The following ACAP3 variants were observed in gnomAD, a reference collection of about 807,000 sequenced individuals.
The protein encoded by ACAP3 is ArfGAP with coiled-coil, ankyrin repeat and PH domains 3.
ACAP3 carries 56 observed loss-of-function variants against 104.1 expected under a neutral mutation model. The ratio of observed to expected loss-of-function variants is 0.54; its 90% CI spans 0.43 to 0.67. ACAP3 has a LOEUF of 0.67. Among genes scored for constraint, ACAP3 ranks in the 30% least tolerant of loss-of-function variants. The probability of loss-of-function intolerance (pLI) is 0.00; values close to 1 mark genes in which losing one functional copy is unlikely to be tolerated. For synonymous variants in ACAP3, 628 were observed against 496.2 expected (o/e 1.27, Z -3.53); for missense variants, 1,208 against 1,174.9 (o/e 1.03, Z -0.41).
At chr1:1,295,598 T>G in intron 18 of ACAP3, 44 bp from the exon 19 acceptor site, 1 of 1,595,902 alleles carries the variant, frequency 6.3e-7, no homozygotes, top group Non-Finnish European at 8.5e-7. Context: ...AGGCCCGGGG[T>G]GGGGCAGGGA....
rs141328101 is a variant in ACAP3, at chr1:1,298,110, C to T, written c.919G>A (p.Ala307Thr). 1.5e-4 allele frequency: 245 copies of T among 1,605,920 alleles called. No homozygotes were observed. The highest frequency in any genetic ancestry group is 2.4e-4 in the Admixed American group (14 of 59,318). Residue 307 changes from alanine (A) to threonine (T), a missense_variant, in exon 13 of 24, where the codon GCC (alanine) becomes ACC (threonine). Physicochemically the swap from Ala to Thr is moderately conservative, Grantham distance 58 (BLOSUM62 0). Transcript: ENST00000354700. ...AGGTCATCCACCACCACGGTGAGGGCATCCTGTGGGCGGCACCGCTGTGGC... is the reference window on the plus strand; with the variant it reads ...AGGTCATCCACCACCACGGTGAGGGTATCCTGTGGGCGGCACCGCTGTGGC... ...QLVYQKKLKD[A>T]LTVVVDDLRL... is the part of the protein sequence containing the mutation.
intron 1 of ACAP3, chr1:1,304,542 A>C: frequency 1.1e-5 from 3 of 276,584 alleles, no homozygotes; most frequent in Non-Finnish European, 2.1e-5. Flanking sequence ...CCCTCACCCC[A>C]CTGCACTACT....
At chr1:1,299,796 G>C (rs1265604214) in intron 9 of ACAP3, 35 bp downstream of exon 9, 1 of 1,531,234 alleles carries the variant, frequency 6.5e-7, no homozygotes, top group Non-Finnish European at 8.8e-7. Flanking sequence ...CCTCCCAGGC[G>C]CCTGGTGTGC....
rs751169301 is a variant in ACAP3, at chr1:1,295,455, C to T, written c.1805G>A (p.Gly602Asp). The change falls in exon 19 of 24, where the codon GGC becomes GAC. Residue 602 changes from glycine (G) to aspartate (D), a missense_variant. Gly to Asp is a moderately conservative substitution (Grantham distance 94, BLOSUM62 -1). Coordinates refer to ENST00000354700, the MANE Select transcript of ACAP3 (RefSeq NM_030649.3). ...SYFDAGAAGA[G>D]PRSLSSDSGL... ...GCCCACCCCACACTTACTGCGAGGG[C>T]CAGCCCCTGCGGCCCCTGCGTCGAA... The T allele has an allele frequency of 6.2e-7, 1 of 1,612,506 alleles. No individual in the cohort carries two copies. Among genetic ancestry groups the T allele is most frequent in the Non-Finnish European group, 8.5e-7 (1 of 1,179,848 alleles).
In ACAP3 at chr1:1,293,644, C is replaced by T; in HGVS notation, c.2425G>A (p.Ala809Thr). The change falls in exon 24 of 24, where the codon GCC (alanine) becomes ACC (threonine). Residue 809 changes from alanine to threonine, a missense_variant. Ala to Thr is a moderately conservative substitution (Grantham distance 58, BLOSUM62 0). Transcript: ENST00000354700. ...AGCTCCGTGGGGCTGCCCGCCAGGG[C>T]GCCCGGGGGACCAGGGGCAGCCTCG... is the stretch of plus-strand genomic sequence containing the variant. ...EAEAAPGPPG[A>T]LAGSPTELQF... 2.0e-6 allele frequency: 3 copies of T among 1,479,958 alleles called. No homozygotes were observed. Among genetic ancestry groups the T allele is most frequent in the East Asian group, 2.8e-5 (1 of 35,516 alleles). The allele number at this position is 1,479,958 out of a possible 1,614,324, so 91.7% of individuals were successfully genotyped here.
Position 1,299,856 on chromosome 1 carries a change from C to T in ACAP3, c.713G>A (p.Arg238Gln), listed in dbSNP as rs2100449287. 13 of 1,560,076 alleles carry T rather than the reference C, an allele frequency of 8.3e-6. No individual in the cohort carries two copies. The highest frequency in any genetic ancestry group is 1.1e-5 in the Non-Finnish European group (13 of 1,151,710). The part of the protein sequence containing the change: ...DSAVEKREME[R>Q]KHAAIQQRTL... ...CCGCTGCTGGATGGCGGCGTGCTTT[C>T]GCTCCATCTCACGCTTTTCCACCGC... Residue 238 changes from arginine to glutamine, a missense_variant, in exon 9 of 24, where the codon CGA (arginine) becomes CAA (glutamine). Coordinates refer to ENST00000354700, the MANE Select transcript of ACAP3 (RefSeq NM_030649.3).
chr1:1,294,041 G>A (rs890091973), intron 22 of ACAP3, 49 bp downstream of exon 22: 2 of 1,508,940 alleles, frequency 1.3e-6, no homozygotes, highest in South Asian at 1.3e-5. Context: ...AGCCGGGCCG[G>A]GGTAGGCGTG....
At chr1:1,293,973 GGGCGGGGCGA>G (rs1640982318) in intron 22 of ACAP3, 40 bp from the exon 23 acceptor site, 2 of 1,497,350 alleles carry the variant, frequency 1.3e-6, no homozygotes, top group Admixed American at 2.1e-5. Flanking sequence ...GGGCGGGGCG[GGGCGGGGCGA>G]GTGTGGTCGC....
At chr1:1,307,686 G>T in intron 1 of ACAP3, 83 bp downstream of exon 1, 1 of 1,047,076 alleles carries the variant, frequency 9.6e-7, no homozygotes, top group South Asian at 4.0e-5. Context: ...GCCCGGCGCT[G>T]ACCTCCCCAC....
Position 1,304,055 on chromosome 1 carries a change from G to A in ACAP3, c.105+31C>T, listed in dbSNP as rs374727376. 2.0e-4 allele frequency: 316 copies of A among 1,550,128 alleles called. 1 individual carries two copies. The African/African-American group carries it at 3.2e-3, about 16-fold the overall frequency. On this transcript the variant is annotated intron_variant, in intron 2 of 23. Coordinates refer to ENST00000354700, the MANE Select transcript of ACAP3 (RefSeq NM_030649.3). ...CCATGTGGCCATCCCAAGCTTGGCC[G>A]GGCACAGGGCGCTCCAGGCCCGCCC...
rs1038622049 is a variant in ACAP3, at chr1:1,298,652, C to T, written c.778G>A (p.Glu260Lys). The change falls in exon 11 of 24, where the codon GAG (glutamate) becomes AAG (lysine). Residue 260 changes from glutamate (E) to lysine (K), a missense_variant. Physicochemically the swap from Glu to Lys is moderately conservative, Grantham distance 56. Transcript: ENST00000354700. Reference protein sequence around the residue: ...QDFSYDESKVEFDVDAPSGVV... With the variant: ...QDFSYDESKVKFDVDAPSGVV... ...CCACTGGGCGCGTCCACGTCAAACT[C>T]CACTTTGGACTCATCGTAGGAGAAG... is the stretch of plus-strand genomic sequence containing the variant. 6.2e-7 allele frequency: 1 copy of T among 1,612,482 alleles called. No individual in the cohort carries two copies. Among genetic ancestry groups the T allele is most frequent in the African/African-American group, 1.3e-5 (1 of 75,018 alleles).
Position 1,303,925 on chromosome 1 carries a change from G to T in ACAP3, c.105+161C>A. The T allele has an allele frequency of 1.2e-6, 1 of 837,226 alleles. No individual in the cohort carries two copies. Among genetic ancestry groups the T allele is most frequent in the Non-Finnish European group, 1.9e-6 (1 of 535,114 alleles). 51.9% of individuals were successfully genotyped at this position (837,226 alleles called of 1,614,324 possible). A position where few individuals can be genotyped will look rare whatever the true frequency, so the allele number is the denominator to read the frequency against. On this transcript the variant is annotated intron_variant, in intron 2 of 23. Coordinates refer to ENST00000354700, the MANE Select transcript of ACAP3 (RefSeq NM_030649.3). The surrounding 1 kb of genome is among the most constrained non-coding windows in gnomAD (Gnocchi z 4.0). ...TGTGTGCATGTGACATGTGCACCCT[G>T]GAACACACATGCTAAGACACAGGGA... is the stretch of plus-strand genomic sequence containing the variant.
At chr1:1,302,898 A>C in intron 4 of ACAP3, 24 bp downstream of exon 4, 1 of 1,597,598 alleles carries the variant, frequency 6.3e-7, no homozygotes, top group Non-Finnish European at 8.5e-7. Flanking sequence ...CACAGCCCAC[A>C]GGTGGCAGGG....
At chr1:1,299,214 T>G (rs1231013279) in intron 10 of ACAP3, 131 bp downstream of exon 10, 6 of 1,231,676 alleles carry the variant, frequency 4.9e-6, no homozygotes, top group African/African-American at 4.6e-5. Context: ...CACAGCCGCA[T>G]CAGCAGCAGG....
rs1641535397 is a variant in ACAP3, at chr1:1,303,347, CCACT to C, written c.106-70_106-67del. ...CGCCTGCACTCGCCACCACACACGG[CCACT>C]CAGAGGCAGGAAGAGCTCCCAGGGT... is the stretch of plus-strand genomic sequence containing the variant. On this transcript the variant is annotated intron_variant, in intron 2 of 23. Coordinates refer to ENST00000354700, the MANE Select transcript of ACAP3 (RefSeq NM_030649.3). This position sits in a 1 kb window ranked among gnomAD's most constrained non-coding sequence, Gnocchi z 4.0. The C allele has an allele frequency of 3.3e-6, 5 of 1,533,746 alleles. No homozygotes were observed. The highest frequency in any genetic ancestry group is 4.4e-6 in the Non-Finnish European group (5 of 1,137,678).
intron 4 of ACAP3, 127 bp downstream of exon 4, chr1:1,302,795 T>TCA: frequency 6.0e-6 from 1 of 167,382 alleles, no homozygotes; most frequent in Non-Finnish European, 1.3e-5. Context: ...AATGTGGGAT[T>TCA]CCCCCCCCCC....
chr1:1,302,467 GC>G (rs1641485708), intron 4 of ACAP3, among the ~76,000 whole-genome samples: 1 of 152,194 alleles, frequency 6.6e-6, no homozygotes, highest in African/African-American at 2.4e-5. Context: ...GAAGGACCGG[GC>G]ACAACCAGGA....
chr1:1,299,332 CG>C lies in ACAP3; in HGVS notation c.750+12del, dbSNP rs771195566. ...CCCGACCCACAGCCCGCCCAGGGCC[CG>C]TGCTCACTTACCTGCAGCAGCGTCT... On this transcript the variant is annotated intron_variant, in intron 10 of 23. Coordinates refer to ENST00000354700, the MANE Select transcript of ACAP3 (RefSeq NM_030649.3). 6.3e-7 allele frequency: 1 copy of C among 1,594,332 alleles called. No individual in the cohort carries two copies. The highest frequency in any genetic ancestry group is 1.3e-5 in the African/African-American group (1 of 74,182).
Position 1,302,049 on chromosome 1 carries a change from G to GT in ACAP3, c.280-4_280-3insA, listed in dbSNP as rs1264373511. 1 of 1,542,122 alleles carries GT rather than the reference G, an allele frequency of 6.5e-7. No homozygotes were observed. Among genetic ancestry groups the GT allele is most frequent in the Admixed American group, 1.9e-5 (1 of 51,352 alleles). On this transcript the variant is annotated splice_region_variant and splice_polypyrimidine_tract_variant and intron_variant, in intron 4 of 23. Transcript: ENST00000354700. Reference sequence around the variant, plus strand: ...CTCTGGGCCTGGTCAAACAGGATCTGGGGGCAGAGGCGGGCAGAGATCCTT... The same window carrying GT: ...CTCTGGGCCTGGTCAAACAGGATCTGTGGGGCAGAGGCGGGCAGAGATCCTT...
Sources: allele counts gnomAD v4.1 joint callset (sites outside exome capture counted in the v4.1 genomes callset), GRCh38; gene constraint gnomAD v4.1.1; non-coding constraint Gnocchi (gnomAD v3.1); transcripts MANE v1.5; gene names NCBI Gene and HGNC (gene_info 2026-07-23, HGNC 2026-07-21).